The following FAF1 variants were observed in gnomAD, a reference collection of about 807,000 sequenced individuals.
FAF1 encodes FAS-associated factor 1.
A neutral mutation model predicts 92.5 loss-of-function variants in FAF1; 25 were observed. The observed-to-expected ratio is 0.27, with a 90% CI of 0.20 to 0.38. The LOEUF (loss-of-function observed/expected upper bound fraction) is 0.38. Ranked by LOEUF, FAF1 falls within the 10% of genes least tolerant of loss-of-function variation. FAF1 has a pLI of 1.00. For missense variants in FAF1, 636 were observed against 793.3 expected, an observed-to-expected ratio of 0.80 and a Z score of 2.38; for synonymous variants, 234 against 273.2, an observed-to-expected ratio of 0.86 and a Z score of 1.42.
rs1651717500 is a variant in FAF1 at position 50,594,857 on chromosome 1, G to C, written c.840+1264C>G. Among the ~76,000 whole-genome samples the C allele has an allele frequency of 2.1e-5, 3 of 143,100 alleles. No homozygotes were observed. In the Admixed American group the frequency reaches 2.1e-4, roughly 10 times the overall value. 93.9% of individuals were successfully genotyped at this position (143,100 alleles called of 152,430 possible). ...TTGCACTCCAACCTGGGCAACAAGA[G>C]TGAAACCCCATCTCAAAAAAAAAAA... On this transcript the variant is annotated intron_variant, in intron 9 of 18. Transcript: ENST00000396153.
At chr1:50,726,684 C>T (rs917534023) in intron 6 of FAF1, among the ~76,000 whole-genome samples, 2 of 152,084 alleles carry the variant, frequency 1.3e-5, no homozygotes, top group African/African-American at 4.8e-5. Context: ...AAAAAATTAT[C>T]TGGGCGTGGT....
intron 6 of FAF1, among the ~76,000 whole-genome samples, chr1:50,724,320 C>CAT (rs1658556240): frequency 6.6e-6 from 1 of 150,764 alleles, no homozygotes; most frequent in Admixed American, 6.6e-5. Flanking sequence ...CACACACACA[C>CAT]ACACACACAC....
chr1:50,836,170 G>GTTTTTTTGT (rs1553144965), intron 2 of FAF1, among the ~76,000 whole-genome samples: 2 of 98,526 alleles, frequency 2.0e-5, no homozygotes, highest in Non-Finnish European at 4.0e-5. Context: ...TTTTGTTTCT[G>GTTTTTTTGT]TTTTTTTTTT....
intron 13 of FAF1, among the ~76,000 whole-genome samples, chr1:50,550,800 C>G (rs1256198008): frequency 6.6e-6 from 1 of 152,166 alleles, no homozygotes; most frequent in Non-Finnish European, 1.5e-5. Flanking sequence ...TTCCTAAGGA[C>G]TCTCAAATAA....
At chr1:50,891,866 C>A (rs1342720624) in intron 1 of FAF1, among the ~76,000 whole-genome samples, 1 of 152,202 alleles carries the variant, frequency 6.6e-6, no homozygotes, top group Non-Finnish European at 1.5e-5. Context: ...GCTAGGAGAA[C>A]CAATACTCTC....
chr1:50,660,699 G>A (rs896209989), intron 7 of FAF1, among the ~76,000 whole-genome samples: 24 of 151,914 alleles, frequency 1.6e-4, no homozygotes, highest in African/African-American at 5.8e-4. Flanking sequence ...TCACCATGTT[G>A]GCCAGGCTAG....
chr1:50,795,295 A>G (rs964927242), intron 3 of FAF1, among the ~76,000 whole-genome samples: 1 of 152,170 alleles, frequency 6.6e-6, no homozygotes, highest in African/African-American at 2.4e-5. Context: ...TGAAAAAGAC[A>G]CTTTTCTAAA....
At chr1:50,694,253 T>C (rs1569781710) in intron 7 of FAF1, among the ~76,000 whole-genome samples, 1 of 152,130 alleles carries the variant, frequency 6.6e-6, no homozygotes, top group South Asian at 2.1e-4. Context: ...ATTATAAACA[T>C]ACCTCTTAGG....
intron 3 of FAF1, among the ~76,000 whole-genome samples, chr1:50,794,499 G>A (rs561996685): frequency 6.6e-6 from 1 of 152,316 alleles, no homozygotes; most frequent in African/African-American, 2.4e-5. Flanking sequence ...GGCAATAGAT[G>A]GTGGGTTGGC....
At chr1:50,714,517 AAACAAAC>A (rs906871340) in intron 6 of FAF1, among the ~76,000 whole-genome samples, 1 of 152,116 alleles carries the variant, frequency 6.6e-6, no homozygotes, top group African/African-American at 2.4e-5. Flanking sequence ...TCTCAAAAAC[AAACAAAC>A]AAAAAACCAA....
At chr1:50,666,129 CAAAA>C (rs57489116) in intron 7 of FAF1, among the ~76,000 whole-genome samples, 2 of 122,804 alleles carry the variant, frequency 1.6e-5, no homozygotes, top group Non-Finnish European at 1.7e-5. Context: ...GAGCCCAGAT[CAAAA>C]AAAAAAAAAA....
chr1:50,939,212 T>C (rs1645110684), intron 1 of FAF1, among the ~76,000 whole-genome samples: 1 of 152,240 alleles, frequency 6.6e-6, no homozygotes, highest in Non-Finnish European at 1.5e-5. Flanking sequence ...AAATGTTTTT[T>C]CATTCATTTG....
At chr1:50,780,144 C>G (rs1377393979) in intron 4 of FAF1, among the ~76,000 whole-genome samples, 2 of 151,988 alleles carry the variant, frequency 1.3e-5, no homozygotes, top group Non-Finnish European at 2.9e-5. Context: ...ACTTCCCAAC[C>G]AAAAGACATA....
intron 4 of FAF1, among the ~76,000 whole-genome samples, chr1:50,753,276 T>C (rs1198317392): frequency 3.9e-5 from 6 of 152,230 alleles, no homozygotes; most frequent in African/African-American, 1.4e-4. Context: ...TTGCAGAATG[T>C]ATTCTGGATT....
At chr1:50,713,789 TTTG>T (rs1658052943) in intron 6 of FAF1, among the ~76,000 whole-genome samples, 1 of 150,664 alleles carries the variant, frequency 6.6e-6, no homozygotes, top group South Asian at 2.1e-4. Flanking sequence ...TTTTTTTTTT[TTTG>T]AGATGGAGTC....
At chr1:50,800,410 A>T (rs757059375) in intron 3 of FAF1, among the ~76,000 whole-genome samples, 5 of 152,222 alleles carry the variant, frequency 3.3e-5, no homozygotes, top group African/African-American at 4.8e-5. Context: ...AGAAAAAAAT[A>T]GCCATAAAGG....
chr1:50,821,957 A>G (rs1260443361), intron 2 of FAF1, among the ~76,000 whole-genome samples: 1 of 152,046 alleles, frequency 6.6e-6, no homozygotes, highest in Non-Finnish European at 1.5e-5. Context: ...TTGATTACAG[A>G]TAAGATGAGG....
At chr1:50,887,962 C>T (rs1245764801) in intron 1 of FAF1, among the ~76,000 whole-genome samples, 1 of 152,144 alleles carries the variant, frequency 6.6e-6, no homozygotes, top group Non-Finnish European at 1.5e-5. Flanking sequence ...TATGAATTAC[C>T]TTGGGCAGTA....
intron 16 of FAF1, among the ~76,000 whole-genome samples, chr1:50,491,283 T>C (rs141763266): frequency 4.7e-4 from 71 of 152,354 alleles, no homozygotes; most frequent in African/African-American, 1.7e-3. Flanking sequence ...TGTTCTTTAC[T>C]TAATCAACTC....
Sources: allele counts gnomAD v4.1 joint callset (sites outside exome capture counted in the v4.1 genomes callset), GRCh38; gene constraint gnomAD v4.1.1; transcripts MANE v1.5; gene names NCBI Gene and HGNC (gene_info 2026-07-23, HGNC 2026-07-21).